Variants in DPYD observed in about 807,000 individuals in gnomAD.
The protein encoded by DPYD is dihydropyrimidine dehydrogenase [NADP(+)].
A neutral mutation model predicts 116.2 loss-of-function variants in DPYD; 109 were observed. The ratio of observed to expected loss-of-function variants is 0.94; its 90% confidence interval spans 0.80 to 1.10. DPYD has a LOEUF of 1.10. Ranked by LOEUF, DPYD falls within the 50% of genes least tolerant of loss-of-function variation. DPYD has a pLI of 0.00. For synonymous variants in DPYD, 440 were observed against 432.0 expected, an observed-to-expected ratio of 1.02 and a Z score of -0.23; for missense variants, 1,302 against 1,254.5, an observed-to-expected ratio of 1.04 and a Z score of -0.57.
chr1:97,188,048 A>G (rs979102065), intron 20 of DPYD, among the ~76,000 whole-genome samples: 2 of 152,028 alleles, frequency 1.3e-5, no homozygotes, highest in Admixed American at 1.3e-4. Context: ...TGCTTTGGCT[A>G]TTTGGACTCT....
At chr1:97,793,540 G>T (rs1251333285) in intron 3 of DPYD, among the ~76,000 whole-genome samples, 1 of 152,018 alleles carries the variant, frequency 6.6e-6, no homozygotes, top group Non-Finnish European at 1.5e-5. Context: ...TCCAGAAAGA[G>T]ACCCACAAAT....
chr1:97,905,960 A>C (rs1176073219), intron 1 of DPYD, among the ~76,000 whole-genome samples: 1 of 152,006 alleles, frequency 6.6e-6, no homozygotes, highest in African/African-American at 2.4e-5. Flanking sequence ...CCTTGGTTTC[A>C]CCATTTCTGA....
chr1:97,625,904 G>T (rs1656900513), intron 8 of DPYD, among the ~76,000 whole-genome samples: 1 of 152,022 alleles, frequency 6.6e-6, no homozygotes, highest in Admixed American at 6.6e-5. Flanking sequence ...TACAATAATT[G>T]TGACATCACT....
At chr1:97,544,402 C>G (rs887940617) in intron 12 of DPYD, among the ~76,000 whole-genome samples, 2 of 152,164 alleles carry the variant, frequency 1.3e-5, no homozygotes, top group South Asian at 4.2e-4. Flanking sequence ...CTTAGTTTGA[C>G]AAGTCTGAAT....
chr1:97,849,556 C>T (rs1441614371), intron 2 of DPYD, among the ~76,000 whole-genome samples: 1 of 151,814 alleles, frequency 6.6e-6, no homozygotes, highest in African/African-American at 2.4e-5. Flanking sequence ...AATGACTTGC[C>T]TAGGTTTCCT....
chr1:97,396,898 C>A (rs1287375112), intron 14 of DPYD, among the ~76,000 whole-genome samples: 1 of 151,674 alleles, frequency 6.6e-6, no homozygotes, highest in African/African-American at 2.4e-5. Context: ...TCACTGCTTT[C>A]TCTTAATATT....
intron 10 of DPYD, among the ~76,000 whole-genome samples, chr1:97,590,599 G>A (rs890119543): frequency 1.3e-5 from 2 of 152,160 alleles, no homozygotes; most frequent in African/African-American, 4.8e-5. Context: ...TCTAACATTT[G>A]TTCTTCTAGT....
chr1:97,169,143 C>G (rs1038922426), intron 20 of DPYD, among the ~76,000 whole-genome samples: 1 of 152,126 alleles, frequency 6.6e-6, no homozygotes, highest in Admixed American at 6.6e-5. Context: ...CCACTACACC[C>G]AGCAGTGATT....
chr1:97,508,526 T>C (rs752778870), intron 13 of DPYD, among the ~76,000 whole-genome samples: 5 of 151,998 alleles, frequency 3.3e-5, no homozygotes, highest in Non-Finnish European at 7.4e-5. Flanking sequence ...TGTGCAACTT[T>C]TATTTCTCAA....
At chr1:97,653,237 A>T (rs1447406929) in intron 8 of DPYD, among the ~76,000 whole-genome samples, 1 of 152,160 alleles carries the variant, frequency 6.6e-6, no homozygotes, top group Non-Finnish European at 1.5e-5. Flanking sequence ...ACAAATCATT[A>T]AATGAAAGAA....
At chr1:97,118,528 G>A (rs1030800609) in intron 20 of DPYD, among the ~76,000 whole-genome samples, 2 of 151,982 alleles carry the variant, frequency 1.3e-5, no homozygotes, top group Non-Finnish European at 2.9e-5. Flanking sequence ...ACTGAGGAGG[G>A]CATCAAAAAA....
At chr1:97,761,702 T>G (rs1215390494) in intron 3 of DPYD, among the ~76,000 whole-genome samples, 1 of 152,094 alleles carries the variant, frequency 6.6e-6, no homozygotes, top group African/African-American at 2.4e-5. Context: ...AAGACACAAC[T>G]ATGCATATGT....
intron 5 of DPYD, among the ~76,000 whole-genome samples, chr1:97,704,344 G>T (rs1055733716): frequency 2.4e-4 from 36 of 151,708 alleles, no homozygotes; most frequent in Non-Finnish European, 4.4e-5. Flanking sequence ...TCTAGAGTTG[G>T]CATTATATGA....
intron 3 of DPYD, among the ~76,000 whole-genome samples, chr1:97,743,036 T>G (rs2101076490): frequency 6.6e-6 from 1 of 152,246 alleles, no homozygotes; most frequent in South Asian, 2.1e-4. Context: ...CAAATTAATG[T>G]GCAGTGTATT....
At chr1:97,372,079 C>A (rs1671339832) in intron 16 of DPYD, among the ~76,000 whole-genome samples, 1 of 152,040 alleles carries the variant, frequency 6.6e-6, no homozygotes, top group South Asian at 2.1e-4. Flanking sequence ...AAGCCTACTC[C>A]AAAAAATAAA....
intron 8 of DPYD, among the ~76,000 whole-genome samples, chr1:97,612,919 AT>A (rs766530256): frequency 2.6e-5 from 4 of 152,008 alleles, no homozygotes; most frequent in Admixed American, 6.6e-5. Context: ...ATGTTTTTTC[AT>A]TAAGAGTTTA....
intron 3 of DPYD, among the ~76,000 whole-genome samples, chr1:97,802,788 C>T (rs565352878): frequency 2.2e-3 from 335 of 151,928 alleles, no homozygotes; most frequent in Non-Finnish European, 4.1e-3. Flanking sequence ...TTCTCCTATG[C>T]TATAGTCCAA....
chr1:97,825,049 C>G (rs539161254), intron 3 of DPYD, among the ~76,000 whole-genome samples: 1 of 151,948 alleles, frequency 6.6e-6, no homozygotes, highest in Non-Finnish European at 1.5e-5. Flanking sequence ...CTCTTTTTTT[C>G]TCTCTCTCTA....
At chr1:97,418,266 T>C (rs1299914650) in intron 14 of DPYD, among the ~76,000 whole-genome samples, 1 of 151,970 alleles carries the variant, frequency 6.6e-6, no homozygotes, top group East Asian at 1.9e-4. Context: ...TGTTTTGCAT[T>C]AAAATTGCCT....
Sources: gnomAD v4.1 joint callset for allele counts (sites outside exome capture counted in the v4.1 genomes callset) on GRCh38, gnomAD v4.1.1 for gene constraint, MANE v1.5 for transcripts, NCBI Gene and HGNC (gene_info 2026-07-23, HGNC 2026-07-21) for gene names.